TTC23: variants seen among roughly 807,000 people sequenced by gnomAD.
TTC23 encodes the protein tetratricopeptide repeat domain 23, also known as tetratricopeptide repeat protein 23.
In TTC23, 58 loss-of-function variants were observed where a neutral mutation model predicts 55.1. That is an observed-to-expected ratio of 1.05 (90% CI 0.85 to 1.31). The LOEUF (loss-of-function observed/expected upper bound fraction) is 1.31. Ranked by LOEUF, TTC23 falls within the 50% of genes most tolerant of loss-of-function variation. The probability of loss-of-function intolerance (pLI) is 0.00; values close to 1 mark genes in which losing one functional copy is unlikely to be tolerated. For synonymous variants in TTC23, 203 were observed against 199.9 expected, an observed-to-expected ratio of 1.02 and a Z score of -0.13; for missense variants, 516 against 534.4, an observed-to-expected ratio of 0.97 and a Z score of 0.34.
chr15:99,206,192 A>G (rs2076613325), intron 8 of TTC23, among the ~76,000 whole-genome samples: 1 of 152,172 alleles, frequency 6.6e-6, no homozygotes, highest in African/African-American at 2.4e-5. Context: ...ATCAAGATGA[A>G]TGATCTTTTT....
chr15:99,178,378 G>A lies in TTC23; in HGVS notation c.760-3223C>T, dbSNP rs543187440. ...AGCTTTTATAAACCATATGCTAGAG[G>A]GAAGGGGGTTTGACGGGGGAACACC... On this transcript the variant is annotated intron_variant, in intron 9 of 13. Coordinates refer to ENST00000394132, the MANE Select transcript of TTC23 (RefSeq NM_001288615.3). 2.6e-5 allele frequency among the ~76,000 whole-genome samples: 4 copies of A among 152,210 alleles called. No homozygotes were observed. In the South Asian group the frequency reaches 8.3e-4, roughly 32 times the overall value.
intron 8 of TTC23, among the ~76,000 whole-genome samples, chr15:99,204,446 T>C (rs948055663): frequency 6.6e-6 from 1 of 152,040 alleles, no homozygotes; most frequent in African/African-American, 2.4e-5. Flanking sequence ...TTTCTTCACT[T>C]TGTTAATTGT....
chr15:99,196,866 C>T (rs1361100409), intron 9 of TTC23, among the ~76,000 whole-genome samples: 3 of 152,190 alleles, frequency 2.0e-5, no homozygotes, highest in Non-Finnish European at 4.4e-5. Context: ...TGACTTTCAA[C>T]ACCTACCTAA....
chr15:99,224,737 C>T (rs574761487), intron 5 of TTC23, among the ~76,000 whole-genome samples: 2 of 152,326 alleles, frequency 1.3e-5, no homozygotes, highest in South Asian at 4.1e-4. Context: ...ACTTTCAGCG[C>T]AGCACATGTG....
chr15:99,217,145 A>G (rs777332555), intron 8 of TTC23, among the ~76,000 whole-genome samples: 10 of 147,414 alleles, frequency 6.8e-5, no homozygotes, highest in Admixed American at 6.2e-4. Context: ...ATTTATACAA[A>G]TTTTCTTTTT....
intron 5 of TTC23, among the ~76,000 whole-genome samples, chr15:99,226,728 A>C (rs958514559): frequency 6.6e-5 from 10 of 152,068 alleles, no homozygotes; most frequent in African/African-American, 2.4e-4. Context: ...CCTTTCCCTC[A>C]GCTCCTCCAC....
At chr15:99,228,453 T>A (rs1379377649) in intron 5 of TTC23, 80 bp downstream of exon 5, 3 of 1,303,734 alleles carry the variant, frequency 2.3e-6, no homozygotes, top group Non-Finnish European at 3.1e-6. Context: ...AGGAATGTAA[T>A]CCAAAACATT....
chr15:99,179,018 G>A (rs1353973045), intron 9 of TTC23, among the ~76,000 whole-genome samples: 1 of 152,164 alleles, frequency 6.6e-6, no homozygotes, highest in Non-Finnish European at 1.5e-5. Context: ...TCCAGGCTGT[G>A]TATCTCTCAG....
At chr15:99,151,866 A>G (rs1254438727) in intron 12 of TTC23, among the ~76,000 whole-genome samples, 2 of 152,206 alleles carry the variant, frequency 1.3e-5, no homozygotes, top group African/African-American at 4.8e-5. Flanking sequence ...TACTAAAAAT[A>G]CAAAATATCT....
At chr15:99,163,492 A>C (rs2071658466) in intron 10 of TTC23, among the ~76,000 whole-genome samples, 1 of 152,256 alleles carries the variant, frequency 6.6e-6, no homozygotes, top group Non-Finnish European at 1.5e-5. Flanking sequence ...TGAGCAGAGA[A>C]GCACGCCTTA....
chr15:99,215,872 G>C (rs1045846870), intron 8 of TTC23, among the ~76,000 whole-genome samples: 2 of 152,040 alleles, frequency 1.3e-5, no homozygotes, highest in African/African-American at 4.8e-5. Flanking sequence ...TAAGGAAAAA[G>C]AAAAGAACAA....
chr15:99,241,087 C>T lies in TTC23; in HGVS notation c.-114+278G>A, dbSNP rs940951333. ...ATCCCACCACTTTGAGAGGCTAAGG[C>T]TGGCAGATCACCTGAGGTCGGGAGT... On this transcript the variant is annotated intron_variant, in intron 3 of 13. Transcript: ENST00000394132. Among the ~76,000 whole-genome samples, 7 of 152,134 alleles carry T rather than the reference C, an allele frequency of 4.6e-5. No homozygotes were observed. In the South Asian group the frequency reaches 1.0e-3, roughly 23 times the overall value.
At chr15:99,152,429 T>G (rs2069910809) in intron 12 of TTC23, among the ~76,000 whole-genome samples, 1 of 152,184 alleles carries the variant, frequency 6.6e-6, no homozygotes. Flanking sequence ...CAGGCTGGAG[T>G]GCAGTGGCAT....
intron 9 of TTC23, among the ~76,000 whole-genome samples, chr15:99,192,441 C>T (rs543739749): frequency 6.6e-6 from 1 of 152,346 alleles, no homozygotes; most frequent in South Asian, 2.1e-4. Flanking sequence ...CCAGCTGCTC[C>T]AGCCTTGGCT....
rs1437027240 is a variant in TTC23, at chr15:99,137,873, T to C, written c.*137A>G. On this transcript the variant is annotated 3_prime_UTR_variant, in exon 14 of 14. Transcript: ENST00000394132. ...CACGGGAGGCTTATGGTCTCACTGTTGCATGTTGGGGCCAACAGTTGGCCT... is the reference window on the plus strand; with the variant it reads ...CACGGGAGGCTTATGGTCTCACTGTCGCATGTTGGGGCCAACAGTTGGCCT... The C allele has an allele frequency of 1.0e-5, 14 of 1,400,606 alleles. No homozygotes were observed. The African/African-American group carries it at 2.0e-4, about 20-fold the overall frequency. 86.8% of individuals were successfully genotyped at this position (1,400,606 alleles called of 1,614,324 possible).
chr15:99,224,797 T>C (rs2078252362), intron 5 of TTC23, among the ~76,000 whole-genome samples: 1 of 152,188 alleles, frequency 6.6e-6, no homozygotes. Flanking sequence ...GGAGTTTTTG[T>C]TTGGTTTTTA....
chr15:99,187,199 T>C (rs1428645193), intron 9 of TTC23, among the ~76,000 whole-genome samples: 1 of 151,606 alleles, frequency 6.6e-6, no homozygotes, highest in Non-Finnish European at 1.5e-5. Flanking sequence ...CCAAAATAAT[T>C]TGATGGTGAA....
chr15:99,248,716 T>C (rs766743449), intron 1 of TTC23, among the ~76,000 whole-genome samples: 20 of 152,230 alleles, frequency 1.3e-4, no homozygotes, highest in Non-Finnish European at 2.8e-4. Flanking sequence ...TTTTATTACT[T>C]TATATTCCCC....
At chr15:99,162,286 C>A (rs1416156165) in intron 10 of TTC23, among the ~76,000 whole-genome samples, 2 of 152,098 alleles carry the variant, frequency 1.3e-5, no homozygotes, top group Non-Finnish European at 2.9e-5. Flanking sequence ...AATCTTGGTA[C>A]ATATTTCTAA....
Sources: gnomAD v4.1 joint callset for allele counts (sites outside exome capture counted in the v4.1 genomes callset) on GRCh38, gnomAD v4.1.1 for gene constraint, MANE v1.5 for transcripts, NCBI Gene and HGNC (gene_info 2026-07-23, HGNC 2026-07-21) for gene names.